VWCE: variants seen among roughly 807,000 people sequenced by gnomAD.
VWCE encodes the protein von Willebrand factor C and EGF domain-containing protein.
VWCE carries 68 observed loss-of-function variants against 102.9 expected under a neutral mutation model. That is an observed-to-expected ratio of 0.66 (90% CI 0.54 to 0.81). The LOEUF (loss-of-function observed/expected upper bound fraction) is 0.81, where lower values mean the gene tolerates loss of function less well. Among genes scored for constraint, VWCE ranks in the 30% least tolerant of loss-of-function variants. The pLI, the probability that VWCE is intolerant of heterozygous loss-of-function variation, is 0.00. For missense variants in VWCE, 1,137 were observed against 1,263.6 expected (o/e 0.90, Z 1.52); for synonymous variants, 497 against 515.4 (o/e 0.96, Z 0.48).
In VWCE at chr11:61,274,567, C is replaced by A; in HGVS notation, c.1513G>T (p.Gly505Cys). ...ACAGCCCCGTCTGCGTACCACCGGC[C>A]GTGGAAATAGCATCTCACTGCAGAG... ...TCVPVRCYFH[G>C]RWYADGAVFS... Residue 505 changes from glycine to cysteine, a missense_variant, in exon 12 of 20, where the codon GGC becomes TGC. This residue lies in a region of VWCE where 212 missense variants were observed against 235.1 expected (regional missense o/e 0.90). Transcript: ENST00000335613. 1 of 1,613,868 alleles carries A rather than the reference C, an allele frequency of 6.2e-7. No individual in the cohort carries two copies. The highest frequency in any genetic ancestry group is 8.5e-7 in the Non-Finnish European group (1 of 1,179,922).
chr11:61,274,638 A>C, intron 11 of VWCE, 54 bp from the exon 12 acceptor site: 1 of 1,567,002 alleles, frequency 6.4e-7, no homozygotes, highest in Non-Finnish European at 8.8e-7. Flanking sequence ...AGGCAGCTAA[A>C]GAAAGGGGGG....
chr11:61,271,510 G>T, intron 14 of VWCE, 165 bp downstream of exon 14: 1 of 624,152 alleles, frequency 1.6e-6, no homozygotes, highest in Non-Finnish European at 2.9e-6. Flanking sequence ...CTGAGAGCAG[G>T]ATAAACTCGG....
intron 16 of VWCE, 24 bp downstream of exon 16, chr11:61,267,438 G>A: frequency 1.9e-6 from 3 of 1,611,866 alleles, no homozygotes; most frequent in Non-Finnish European, 2.5e-6. Context: ...CCAGGGGCGG[G>A]AGTCAGATCT....
chr11:61,286,809 A>T (rs568252560), intron 4 of VWCE, among the ~76,000 whole-genome samples: 1 of 140,156 alleles, frequency 7.1e-6, no homozygotes, highest in African/African-American at 2.7e-5. Flanking sequence ...CTCAGGAAAA[A>T]AAAGAAGGCC....
rs376360174 is a variant in VWCE at position 61,281,803 on chromosome 11, T to A, written c.770A>T (p.Asp257Val). 1 of 1,613,086 alleles carries A rather than the reference T, an allele frequency of 6.2e-7. No homozygotes were observed. Residue 257 changes from aspartate (D) to valine (V), a missense_variant, in exon 7 of 20, where the codon GAC becomes GTC. Coordinates refer to ENST00000335613, the MANE Select transcript of VWCE (RefSeq NM_152718.2). Reference sequence around the variant, plus strand: ...GCGCTCACCTTCACAGGACACGCGGTCAGCTCGGAGCCTGAAGCCAGGTCG... The same window carrying A: ...GCGCTCACCTTCACAGGACACGCGGACAGCTCGGAGCCTGAAGCCAGGTCG... Reference protein sequence around the residue: ...TCRPGFRLRADRVSCEAFPKA... With the variant: ...TCRPGFRLRAVRVSCEAFPKA...
chr11:61,275,698 C>T (rs1450863454), intron 11 of VWCE, among the ~76,000 whole-genome samples: 1 of 152,140 alleles, frequency 6.6e-6, no homozygotes, highest in Non-Finnish European at 1.5e-5. Flanking sequence ...ATAAAGGGTT[C>T]CATGAGATGG....
intron 9 of VWCE, 37 bp from the exon 10 acceptor site, chr11:61,278,513 T>C (rs776651101): frequency 6.2e-7 from 1 of 1,600,720 alleles, no homozygotes; most frequent in East Asian, 2.2e-5. Flanking sequence ...GCATCAGACC[T>C]CTTCAAAGAA....
In VWCE at chr11:61,280,404, T is replaced by TC. The variant is rs141302711; in HGVS notation, c.1324+219dup. Among the ~76,000 whole-genome samples the TC allele has an allele frequency of 6.7e-3, 1,017 of 152,266 alleles. 13 individuals are homozygous for TC. The highest frequency in any genetic ancestry group is 0.024 in the African/African-American group (984 of 41,554). The stretch of plus-strand genomic sequence containing the variant: ...AAGTATGGTCCCTAGACCAGCCACG[T>TC]CAGTATCACCTGGGAACCTGTTCAA... On this transcript the variant is annotated intron_variant, in intron 9 of 19. Transcript: ENST00000335613.
intron 15 of VWCE, among the ~76,000 whole-genome samples, 174 bp from the exon 16 acceptor site, chr11:61,267,718 C>T (rs1310146321): frequency 6.6e-6 from 1 of 152,168 alleles, no homozygotes; most frequent in African/African-American, 2.4e-5. Flanking sequence ...TTGTCTGAAT[C>T]GGGTATTGAC....
At position 61,271,775 on chromosome 11, in the gene VWCE, T is replaced by C. The variant is rs1222368280; in HGVS notation, c.1700-15A>G. 7 of 1,611,886 alleles carry C rather than the reference T, an allele frequency of 4.3e-6. No homozygotes were observed. In the East Asian group the frequency reaches 6.7e-5, roughly 15 times the overall value. On this transcript the variant is annotated splice_polypyrimidine_tract_variant and intron_variant, in intron 13 of 19. Coordinates refer to ENST00000335613, the MANE Select transcript of VWCE (RefSeq NM_152718.2). The stretch of plus-strand genomic sequence containing the variant: ...AAGAGAGCAGCCTGGATGAGGACAA[T>C]GGCAGAGAAAAGACGGCACAAGACC...
rs1854247129 is a variant in VWCE, at chr11:61,258,424, A to G, written c.*251T>C. 2.8e-6 allele frequency: 1 copy of G among 359,692 alleles called. No homozygotes were observed. Among genetic ancestry groups the G allele is most frequent in the Non-Finnish European group, 4.9e-6 (1 of 205,694 alleles). 22.3% of individuals were successfully genotyped at this position (359,692 alleles called of 1,614,324 possible). On this transcript the variant is annotated 3_prime_UTR_variant, in exon 20 of 20. Transcript: ENST00000335613. ...CTTGGCAGTCCCAACCCTTCTCAAA[A>G]GATGAGCCAGCCACGCGGTCCAGGG...
rs142080170 is a variant in VWCE at position 61,278,317 on chromosome 11, G to C, written c.1407+77C>G. 20 of 1,489,196 alleles carry C rather than the reference G, an allele frequency of 1.3e-5. No homozygotes were observed. The African/African-American group carries it at 2.4e-4, about 18-fold the overall frequency. 92.2% of individuals were successfully genotyped at this position (1,489,196 alleles called of 1,614,324 possible). ...CTCAACAAGCTCACCTTTAACATCC[G>C]GTCTTTTCCCCTTCCTCTAAAACCC... On this transcript the variant is annotated intron_variant, in intron 10 of 19. Transcript: ENST00000335613.
rs754441052 is a variant in VWCE at position 61,281,919 on chromosome 11, G to A, written c.659-5C>T. 2 of 1,611,270 alleles carry A rather than the reference G, an allele frequency of 1.2e-6. No individual in the cohort carries two copies. The highest frequency in any genetic ancestry group is 3.3e-5 in the Admixed American group (2 of 59,870). On this transcript the variant is annotated splice_polypyrimidine_tract_variant and splice_region_variant and intron_variant, in intron 6 of 19. Transcript: ENST00000335613. Reference sequence around the variant, plus strand: ...GCCTCCGACACTCGTTTACATCTGCGGGAGAGCCTCGCTGCGGACAGCTGC... The same window carrying A: ...GCCTCCGACACTCGTTTACATCTGCAGGAGAGCCTCGCTGCGGACAGCTGC...
chr11:61,273,574 T>C (rs1195585038), intron 12 of VWCE: 1 of 489,310 alleles, frequency 2.0e-6, no homozygotes, highest in South Asian at 3.0e-5. Context: ...GCCTTCACCA[T>C]CTCTCACCCT....
intron 15 of VWCE, among the ~76,000 whole-genome samples, chr11:61,268,572 T>C (rs1414333049): frequency 6.6e-6 from 1 of 152,042 alleles, no homozygotes; most frequent in Admixed American, 6.6e-5. Context: ...AAGATAAATT[T>C]TCTATAATAA....
At chr11:61,260,289 G>T (rs191714462) in intron 19 of VWCE, among the ~76,000 whole-genome samples, 4 of 151,868 alleles carry the variant, frequency 2.6e-5, no homozygotes, top group Non-Finnish European at 5.9e-5. Context: ...TTTTGGGGTG[G>T]GGGGGACAGG....
Position 61,281,799 on chromosome 11 carries a change from G to C in VWCE, c.774C>G (p.Arg258=). ...CRPGFRLRAD[R]VSCEAFPKAV... ...CCTGGCGCTCACCTTCACAGGACAC[G>C]CGGTCAGCTCGGAGCCTGAAGCCAG... Residue 258 remains arginine, a synonymous_variant, in exon 7 of 20, where the codon CGC becomes CGG. Transcript: ENST00000335613. 2 of 1,613,074 alleles carry C rather than the reference G, an allele frequency of 1.2e-6. No homozygotes were observed. Among genetic ancestry groups the C allele is most frequent in the Non-Finnish European group, 8.5e-7 (1 of 1,179,472 alleles).
intron 19 of VWCE, among the ~76,000 whole-genome samples, chr11:61,261,667 A>C (rs1267169202): frequency 6.6e-6 from 1 of 151,940 alleles, no homozygotes; most frequent in Non-Finnish European, 1.5e-5. Flanking sequence ...TTAGCCAGGC[A>C]GGGTGGCATG....
Position 61,264,943 on chromosome 11 carries a change from A to C in VWCE, c.2139+13T>G. 6.2e-7 allele frequency: 1 copy of C among 1,613,050 alleles called. No homozygotes were observed. The highest frequency in any genetic ancestry group is 2.2e-5 in the East Asian group (1 of 44,892). ...CTGGCGGGGCCGCTCCTGGGTTCCC[A>C]GGCCCAGCTCACCTGGCACGTGCAC... On this transcript the variant is annotated intron_variant, in intron 18 of 19. Transcript: ENST00000335613.
Sources: gnomAD v4.1 joint callset for allele counts (sites outside exome capture counted in the v4.1 genomes callset) on GRCh38, gnomAD v4.1.1 for gene constraint, gnomAD v4.1.1 regional missense constraint, MANE v1.5 for transcripts, NCBI Gene and HGNC (gene_info 2026-07-23, HGNC 2026-07-21) for gene names.